Variants in KYAT3 observed in about 807,000 individuals in gnomAD.
KYAT3 encodes the protein kynurenine--oxoglutarate transaminase 3.
In KYAT3, 50 loss-of-function variants were observed where a neutral mutation model predicts 59.0. The observed-to-expected ratio is 0.85, with a 90% CI of 0.68 to 1.07. The LOEUF (loss-of-function observed/expected upper bound fraction) is 1.07. KYAT3 is among the 50% of genes least tolerant of loss of function. The pLI, the probability that KYAT3 is intolerant of heterozygous loss-of-function variation, is 0.00. For synonymous variants in KYAT3, 148 were observed against 177.0 expected (o/e 0.84, Z 1.30); for missense variants, 497 against 533.3 (o/e 0.93, Z 0.67).
intron 8 of KYAT3, among the ~76,000 whole-genome samples, chr1:88,957,039 G>A (rs1472845944): frequency 2.0e-5 from 3 of 152,118 alleles, no homozygotes; most frequent in African/African-American, 7.2e-5. Context: ...GAAGTAATCT[G>A]CTCATAAGCA....
rs564470850 is a variant in KYAT3, at chr1:88,985,577, T to A, written c.99+2675A>T. On this transcript the variant is annotated intron_variant, in intron 2 of 13. Coordinates refer to ENST00000260508, the MANE Select transcript of KYAT3 (RefSeq NM_001008661.3). ...AGCCAGATAGATCTTAGTTCAAAATTAAACATCAAAACTCCTAGTGTGTGA... is the reference window on the plus strand; with the variant it reads ...AGCCAGATAGATCTTAGTTCAAAATAAAACATCAAAACTCCTAGTGTGTGA... Among the ~76,000 whole-genome samples the A allele has an allele frequency of 1.9e-3, 294 of 152,288 alleles. 1 individual carries two copies. The highest frequency in any genetic ancestry group is 6.8e-3 in the African/African-American group (282 of 41,552).
intron 2 of KYAT3, among the ~76,000 whole-genome samples, chr1:88,987,346 T>C (rs1444174742): frequency 2.0e-5 from 3 of 152,052 alleles, no homozygotes; most frequent in Non-Finnish European, 4.4e-5. Context: ...CACGGTGGCA[T>C]AAAGAGGAGA....
chr1:88,932,299 C>T (rs564591745), downstream of KYAT3, among the ~76,000 whole-genome samples: 1 of 152,204 alleles, frequency 6.6e-6, no homozygotes, highest in East Asian at 1.9e-4. Flanking sequence ...ATATTGCCCC[C>T]TAAATTATTA....
intron 1 of KYAT3, among the ~76,000 whole-genome samples, chr1:88,991,131 G>A (rs1677770957): frequency 6.6e-6 from 1 of 152,326 alleles, no homozygotes; most frequent in African/African-American, 2.4e-5. Context: ...GGTTTAGACT[G>A]TTTAAAATGA....
At chr1:88,942,853 C>T (rs946841108) in intron 13 of KYAT3, 152 bp downstream of exon 13, 85 of 626,878 alleles carry the variant, frequency 1.4e-4, no homozygotes, top group East Asian at 1.4e-4. Flanking sequence ...TGAGCCACCA[C>T]GCCCAGCCAG....
chr1:88,927,618 G>C, the KYAT3 span, among the ~76,000 whole-genome samples: 1 of 151,980 alleles, frequency 6.6e-6, no homozygotes, highest in Non-Finnish European at 1.5e-5. Context: ...ATAGACAAAG[G>C]GGTAAACAAT....
chr1:88,978,125 T>C (rs1293249613), intron 2 of KYAT3, among the ~76,000 whole-genome samples: 2 of 152,136 alleles, frequency 1.3e-5, no homozygotes, highest in African/African-American at 4.8e-5. Context: ...GTATATGTTA[T>C]GTATATTTTG....
chr1:88,964,003 G>C (rs1676243848), intron 5 of KYAT3, among the ~76,000 whole-genome samples: 1 of 152,174 alleles, frequency 6.6e-6, no homozygotes, highest in Non-Finnish European at 1.5e-5. Context: ...AGGAGTTCGA[G>C]ACCAGACTGG....
At chr1:88,955,625 G>A (rs1158171426) in intron 8 of KYAT3, among the ~76,000 whole-genome samples, 1 of 152,142 alleles carries the variant, frequency 6.6e-6, no homozygotes, top group Non-Finnish European at 1.5e-5. Context: ...TTGTGATCCT[G>A]ATTATTGTTT....
In KYAT3 at chr1:88,961,501, AG is replaced by A; in HGVS notation, c.545del (p.Pro182LeufsTer14). The A allele has an allele frequency of 5.6e-6, 9 of 1,610,000 alleles. No individual in the cohort carries two copies. Among genetic ancestry groups the A allele is most frequent in the Non-Finnish European group, 7.6e-6 (9 of 1,177,708 alleles). ...TPVFIPLRSKPVYGKRWSSSD... is the reference protein window; with the variant it reads ...TPVFIPLRSKXVYGKRWSSSD... ...AACTAGACCATCTTTTTCCATAAAC[AG>A]GTTTCTAAGCATGAAGAATGAAGAT... On this transcript the variant is annotated frameshift_variant, in exon 7 of 14. Transcript: ENST00000260508. LOFTEE classifies it high-confidence loss of function.
intron 4 of KYAT3, among the ~76,000 whole-genome samples, chr1:88,967,911 G>A (rs990294933): frequency 3.9e-5 from 6 of 152,112 alleles, no homozygotes; most frequent in Non-Finnish European, 7.3e-5. Context: ...AGGCTGGGGA[G>A]TGAGTTATGT....
downstream of KYAT3, among the ~76,000 whole-genome samples, chr1:88,934,880 C>T (rs1033320249): frequency 1.3e-5 from 2 of 152,106 alleles, no homozygotes; most frequent in South Asian, 2.1e-4. Flanking sequence ...GGGTGATGAC[C>T]AGAATCTCTG....
At chr1:88,935,345 GGAGAGAGAGAGACA>G (rs1215486164), downstream of KYAT3, among the ~76,000 whole-genome samples, 6 of 148,572 alleles carry the variant, frequency 4.0e-5, no homozygotes, top group Non-Finnish European at 7.4e-5. Context: ...AGGAGATGGA[GGAGAGAGAGAGACA>G]GAGAGAGAGA....
chr1:88,940,865 C>A (rs945418644), intron 13 of KYAT3, among the ~76,000 whole-genome samples: 6 of 151,460 alleles, frequency 4.0e-5, no homozygotes, highest in African/African-American at 1.2e-4. Context: ...ACTGCTCCTA[C>A]TGTTCTCAAT....
intron 8 of KYAT3, among the ~76,000 whole-genome samples, chr1:88,958,688 G>A (rs952643986): frequency 1.3e-5 from 2 of 152,162 alleles, no homozygotes; most frequent in Non-Finnish European, 1.5e-5. Flanking sequence ...ACTCAAATGT[G>A]TTTATTTCAA....
At chr1:88,942,905 TG>T in intron 13 of KYAT3, 99 bp downstream of exon 13, 1 of 916,018 alleles carries the variant, frequency 1.1e-6, no homozygotes, top group Non-Finnish European at 1.7e-6. Flanking sequence ...ATTTAAAAAC[TG>T]CATATGAGCA....
chr1:88,964,502 G>A, intron 5 of KYAT3: 1 of 268,978 alleles, frequency 3.7e-6, no homozygotes, highest in Non-Finnish European at 7.3e-6. Context: ...TTCATATTAA[G>A]TAAAAGAGCA....
Position 88,982,868 on chromosome 1 carries a change from T to C in KYAT3, c.99+5384A>G, listed in dbSNP as rs762792345. On this transcript the variant is annotated intron_variant, in intron 2 of 13. Transcript: ENST00000260508. ...TGAGTAACTGTCTCGACTTCCACCATATCCATCACGTGAGCTGCTATAATC... is the reference window on the plus strand; with the variant it reads ...TGAGTAACTGTCTCGACTTCCACCACATCCATCACGTGAGCTGCTATAATC... 4 of 1,613,974 alleles carry C rather than the reference T, an allele frequency of 2.5e-6. No individual in the cohort carries two copies. The highest frequency in any genetic ancestry group is 3.4e-6 in the Non-Finnish European group (4 of 1,179,858).
At chr1:88,966,699 T>C (rs1021545003) in intron 4 of KYAT3, among the ~76,000 whole-genome samples, 1 of 152,098 alleles carries the variant, frequency 6.6e-6, no homozygotes, top group Non-Finnish European at 1.5e-5. Flanking sequence ...TTCTTTCTAA[T>C]CTATGTATCT....
Sources: gnomAD v4.1 joint callset for allele counts (sites outside exome capture counted in the v4.1 genomes callset) on GRCh38, gnomAD v4.1.1 for gene constraint, MANE v1.5 for transcripts, NCBI Gene and HGNC (gene_info 2026-07-23, HGNC 2026-07-21) for gene names.